Variants in DMRT1 observed in about 807,000 individuals in gnomAD.
DMRT1 encodes doublesex- and mab-3-related transcription factor 1.
Under a neutral mutation model 32.3 loss-of-function variants are expected in DMRT1, and 7 were observed. That is an observed-to-expected ratio of 0.22 (90% CI 0.12 to 0.41). The LOEUF (loss-of-function observed/expected upper bound fraction) is 0.41. Among genes scored for constraint, DMRT1 ranks in the 10% least tolerant of loss-of-function variants. The pLI is 1.00. For missense variants in DMRT1, 625 were observed against 500.5 expected, an observed-to-expected ratio of 1.25 and a Z score of -2.37; for synonymous variants, 278 against 206.1, an observed-to-expected ratio of 1.35 and a Z score of -2.99.
chr9:931,979 G>C (rs373376656), intron 4 of DMRT1, among the ~76,000 whole-genome samples: 2 of 152,112 alleles, frequency 1.3e-5, no homozygotes, highest in East Asian at 3.9e-4. Context: ...TCTGGTCTTT[G>C]CTGATCACTT....
At chr9:914,573 C>CA (rs34584256) in intron 3 of DMRT1, among the ~76,000 whole-genome samples, 3,020 of 66,016 alleles carry the variant, frequency 0.046, 290 homozygotes, top group South Asian at 0.072. Context: ...GACTCTGTCT[C>CA]AAAAAAAAAA....
intron 2 of DMRT1, among the ~76,000 whole-genome samples, chr9:862,028 G>A (rs1014311619): frequency 1.1e-4 from 16 of 151,802 alleles, no homozygotes; most frequent in South Asian, 8.3e-4. Context: ...CTGGGCGGCC[G>A]GGCGGAGGGG....
intron 4 of DMRT1, among the ~76,000 whole-genome samples, chr9:938,567 A>G (rs770749742): frequency 2.0e-5 from 3 of 152,200 alleles, no homozygotes; most frequent in Admixed American, 6.5e-5. Context: ...TTGCTAGGGT[A>G]TAGAAATACA....
At chr9:866,337 T>C (rs532209204) in intron 2 of DMRT1, among the ~76,000 whole-genome samples, 1 of 152,184 alleles carries the variant, frequency 6.6e-6, no homozygotes, top group South Asian at 2.1e-4. Flanking sequence ...GCATCAGCAC[T>C]GGCCTGCGGG....
Position 870,174 on chromosome 9 carries a change from G to C in DMRT1, c.538+23031G>C, listed in dbSNP as rs569679800. Among the ~76,000 whole-genome samples, 12 of 152,292 alleles carry C rather than the reference G, an allele frequency of 7.9e-5. No homozygotes were observed. The East Asian group carries it at 1.9e-3, about 24-fold the overall frequency. On this transcript the variant is annotated intron_variant, in intron 2 of 4. Coordinates refer to ENST00000382276, the MANE Select transcript of DMRT1 (RefSeq NM_021951.3). ...ATACTTTGGGAGGCTGAGGCAGGTG[G>C]ATCACCTGAGGTCAGGAGTTTGGGA...
chr9:861,801 C>T (rs10124747), intron 2 of DMRT1, among the ~76,000 whole-genome samples: 4,370 of 50,468 alleles, frequency 0.087, 226 homozygotes, highest in African/African-American at 0.21. Context: ...GGGCGGCTGC[C>T]GGGCGGGGGG....
chr9:933,713 C>T (rs1818798160), intron 4 of DMRT1, among the ~76,000 whole-genome samples: 1 of 152,204 alleles, frequency 6.6e-6, no homozygotes, highest in Non-Finnish European at 1.5e-5. Flanking sequence ...ATTTCAGGTG[C>T]TTTGTGGCTA....
At chr9:880,990 A>G (rs1052395845) in intron 2 of DMRT1, among the ~76,000 whole-genome samples, 2 of 152,164 alleles carry the variant, frequency 1.3e-5, no homozygotes, top group African/African-American at 4.8e-5. Context: ...TCTTGACATC[A>G]AAGCACCAAG....
At chr9:937,540 T>C (rs1818926879) in intron 4 of DMRT1, among the ~76,000 whole-genome samples, 1 of 152,244 alleles carries the variant, frequency 6.6e-6, no homozygotes, top group Admixed American at 6.5e-5. Context: ...ATAGCCTTCC[T>C]AATGGGTGTA....
chr9:847,013 C>T lies in DMRT1; in HGVS notation c.408C>T (p.Pro136=), dbSNP rs372939169. Residue 136 remains proline, a synonymous_variant, in exon 2 of 5, where the codon CCC becomes CCT. Transcript: ENST00000382276. ...AQEEELGISH[P]IPLPSAAELL... ...AGGAGGAATTGGGTATCAGCCACCCCATCCCACTGCCCAGTGCGGCCGAGC... is the reference window on the plus strand; with the variant it reads ...AGGAGGAATTGGGTATCAGCCACCCTATCCCACTGCCCAGTGCGGCCGAGC... 2.1e-5 allele frequency: 34 copies of T among 1,614,060 alleles called. No individual in the cohort carries two copies. Among genetic ancestry groups the T allele is most frequent in the Non-Finnish European group, 2.4e-5 (28 of 1,180,060 alleles).
chr9:845,852 C>T (rs1294086710), intron 1 of DMRT1, among the ~76,000 whole-genome samples: 2 of 152,172 alleles, frequency 1.3e-5, no homozygotes, highest in African/African-American at 2.4e-5. Context: ...CCAAGTCCTC[C>T]TCATCCTATT....
intron 2 of DMRT1, among the ~76,000 whole-genome samples, chr9:875,199 A>G (rs955612986): frequency 1.3e-5 from 2 of 152,180 alleles, no homozygotes; most frequent in African/African-American, 4.8e-5. Context: ...TTTAAAAAAC[A>G]TGTCTTTATT....
At chr9:871,989 A>G (rs2132610050) in intron 2 of DMRT1, among the ~76,000 whole-genome samples, 1 of 151,660 alleles carries the variant, frequency 6.6e-6, no homozygotes, top group South Asian at 2.1e-4. Flanking sequence ...CTGAGTAAAT[A>G]GGAAGCAGAC....
At chr9:917,006 T>C in intron 4 of DMRT1, 99 bp downstream of exon 4, 2 of 1,364,826 alleles carry the variant, frequency 1.5e-6, no homozygotes, top group Non-Finnish European at 2.1e-6. Context: ...TGTTAGTAAT[T>C]GTTGGAAATT....
intron 4 of DMRT1, among the ~76,000 whole-genome samples, chr9:957,385 A>G (rs992639203): frequency 6.6e-6 from 1 of 152,258 alleles, no homozygotes; most frequent in Non-Finnish European, 1.5e-5. Context: ...AAATACATGT[A>G]TTAAAGAATT....
At chr9:907,553 T>C (rs2129715926) in intron 3 of DMRT1, among the ~76,000 whole-genome samples, 1 of 152,328 alleles carries the variant, frequency 6.6e-6, no homozygotes, top group South Asian at 2.1e-4. Flanking sequence ...ATTTGGCTTT[T>C]TCTTACTGTT....
rs374190271 is a variant in DMRT1, at chr9:916,923, C to T, written c.967+16C>T. The T allele has an allele frequency of 1.2e-5, 20 of 1,614,096 alleles. No individual in the cohort carries two copies. In the African/African-American group the frequency reaches 2.5e-4, roughly 20 times the overall value. ...AGGGCGAGCGGTAGGTGTCTGGTCACACAGACTGGATTTGGGGTTGAGAGA... is the reference window on the plus strand; with the variant it reads ...AGGGCGAGCGGTAGGTGTCTGGTCATACAGACTGGATTTGGGGTTGAGAGA... On this transcript the variant is annotated intron_variant, in intron 4 of 4. Coordinates refer to ENST00000382276, the MANE Select transcript of DMRT1 (RefSeq NM_021951.3).
At chr9:902,930 G>A (rs1817644859) in intron 3 of DMRT1, among the ~76,000 whole-genome samples, 1 of 152,120 alleles carries the variant, frequency 6.6e-6, no homozygotes, top group African/African-American at 2.4e-5. Context: ...AGGTCAGTAG[G>A]CAAGTTTTGG....
At chr9:888,993 G>T (rs1298013297) in intron 2 of DMRT1, among the ~76,000 whole-genome samples, 2 of 151,760 alleles carry the variant, frequency 1.3e-5, no homozygotes, top group East Asian at 3.9e-4. Context: ...TTTCTGGAGA[G>T]CTTAGTAAAA....
Sources: gnomAD v4.1 joint callset for allele counts (sites outside exome capture counted in the v4.1 genomes callset) on GRCh38, gnomAD v4.1.1 for gene constraint, MANE v1.5 for transcripts, NCBI Gene and HGNC (gene_info 2026-07-23, HGNC 2026-07-21) for gene names.